The following SDF2 variants were observed in gnomAD, a reference collection of about 807,000 sequenced individuals.
SDF2 encodes stromal cell-derived factor 2.
SDF2 carries 12 observed loss-of-function variants against 20.5 expected under a neutral mutation model. That is an observed-to-expected ratio of 0.58 (90% CI 0.37 to 0.95). SDF2 has a LOEUF of 0.95. Ranked by LOEUF, SDF2 falls within the 40% of genes least tolerant of loss-of-function variation. SDF2 has a pLI of 0.01. For synonymous variants in SDF2, 100 were observed against 101.0 expected, an observed-to-expected ratio of 0.99 and a Z score of 0.06; for missense variants, 238 against 263.1, an observed-to-expected ratio of 0.90 and a Z score of 0.66.
chr17:28,661,609 A>G (rs1597675342), intron 1 of SDF2, 117 bp downstream of exon 1: 4 of 1,106,374 alleles, frequency 3.6e-6, no homozygotes, highest in East Asian at 4.8e-5. Flanking sequence ...GACCTGAGGA[A>G]CCTTCCCAGG....
chr17:28,649,900 CAA>C (rs201795041), intron 2 of SDF2, among the ~76,000 whole-genome samples: 11 of 129,528 alleles, frequency 8.5e-5, no homozygotes, highest in Admixed American at 7.7e-5. Context: ...GACCCCATCT[CAA>C]AAAAAAAAAA....
At chr17:28,653,794 AG>A (rs1313044356) in intron 2 of SDF2, among the ~76,000 whole-genome samples, 48 of 152,304 alleles carry the variant, frequency 3.2e-4, no homozygotes, top group Admixed American at 3.1e-3. Context: ...CCTGGGACAG[AG>A]CGAGACTCTG....
chr17:28,659,330 C>T (rs1347914238), intron 1 of SDF2, among the ~76,000 whole-genome samples: 9 of 134,950 alleles, frequency 6.7e-5, no homozygotes, highest in African/African-American at 1.7e-4. Flanking sequence ...ACAGGGCGGC[C>T]GGGCAGAGGC....
chr17:28,658,987 C>A (rs996943855), intron 1 of SDF2, among the ~76,000 whole-genome samples: 1 of 147,316 alleles, frequency 6.8e-6, no homozygotes, highest in Non-Finnish European at 1.5e-5. Flanking sequence ...GATGGGAGGC[C>A]GGACAGAGGC....
At position 28,649,134 on chromosome 17, in the gene SDF2, TCTC is replaced by T; in HGVS notation, c.488_490del (p.Gly163del). 1 of 1,614,166 alleles carries T rather than the reference TCTC, an allele frequency of 6.2e-7. No individual in the cohort carries two copies. The highest frequency in any genetic ancestry group is 8.5e-7 in the Non-Finnish European group (1 of 1,180,032). ...CCCACTGATAGGTCGACCATATTGT[TCTC>T]CTGTGACAGACAGCAGTACCTCAGT... On this transcript the variant is annotated inframe_deletion, in exon 3 of 3. Transcript: ENST00000247020.
chr17:28,658,779 C>T (rs2071991087), intron 1 of SDF2, among the ~76,000 whole-genome samples: 1 of 152,024 alleles, frequency 6.6e-6, no homozygotes. Flanking sequence ...CTCTTCGGTG[C>T]TGTTGGGTAC....
chr17:28,657,004 A>G (rs559592747), intron 1 of SDF2, among the ~76,000 whole-genome samples: 5 of 152,258 alleles, frequency 3.3e-5, no homozygotes, highest in Admixed American at 1.3e-4. Context: ...TGAGGCAGGC[A>G]GAACACAAAG....
chr17:28,661,656 T>C (rs1345029298), intron 1 of SDF2, 70 bp downstream of exon 1: 4 of 1,526,934 alleles, frequency 2.6e-6, no homozygotes, highest in Non-Finnish European at 3.6e-6. Context: ...TGTCAGATAT[T>C]CTATAGGCCC....
chr17:28,658,354 A>G (rs975821781), intron 1 of SDF2, among the ~76,000 whole-genome samples: 1 of 151,830 alleles, frequency 6.6e-6, no homozygotes, highest in Non-Finnish European at 1.5e-5. Context: ...AGGTCAGCAG[A>G]TAAACATGTG....
chr17:28,655,848 C>G (rs1567677202), intron 1 of SDF2: 1 of 256,906 alleles, frequency 3.9e-6, no homozygotes, highest in East Asian at 8.4e-5. Flanking sequence ...AAACCAGAGA[C>G]ATGGCTAAGC....
In SDF2 at chr17:28,649,224, G is replaced by A. The variant is rs2071891542; in HGVS notation, c.401C>T (p.Thr134Ile). ...EGEGDYLDDW[T>I]VLCNGPYWVR... The stretch of plus-strand genomic sequence containing the variant: ...CCAGTAGGGTCCATTACAGAGCACT[G>A]TCCAGTCATCCAGATAATCACCTTC... Residue 134 changes from threonine to isoleucine, a missense_variant, in exon 3 of 3, where the codon ACA (threonine) becomes ATA (isoleucine). Thr to Ile is a moderately conservative substitution (Grantham distance 89). Coordinates refer to ENST00000247020, the MANE Select transcript of SDF2 (RefSeq NM_006923.4). 1 of 1,614,184 alleles carries A rather than the reference G, an allele frequency of 6.2e-7. No homozygotes were observed. The highest frequency in any genetic ancestry group is 2.2e-5 in the East Asian group (1 of 44,892).
At chr17:28,651,384 T>C (rs1162800041) in intron 2 of SDF2, 1 of 152,216 alleles carries the variant, frequency 6.6e-6, no homozygotes, top group Non-Finnish European at 1.5e-5. Flanking sequence ...TTTATATCTC[T>C]TGTTATTTGA....
chr17:28,661,320 C>G, intron 1 of SDF2: 1 of 352,168 alleles, frequency 2.8e-6, no homozygotes, highest in Non-Finnish European at 5.6e-6. Flanking sequence ...ACAGCACTTA[C>G]TGTAATTTTC....
intron 1 of SDF2, 93 bp downstream of exon 1, chr17:28,661,633 T>C (rs2072045777): frequency 7.0e-7 from 1 of 1,418,662 alleles, no homozygotes; most frequent in Non-Finnish European, 9.6e-7. Flanking sequence ...CCCCTAACTT[T>C]CCCAGACCAC....
At chr17:28,660,103 G>A (rs933961150) in intron 1 of SDF2, among the ~76,000 whole-genome samples, 1 of 152,228 alleles carries the variant, frequency 6.6e-6, no homozygotes, top group East Asian at 1.9e-4. Flanking sequence ...GTCAGGCATG[G>A]CGGCGTGTGC....
At chr17:28,652,705 C>G (rs1468374193) in intron 2 of SDF2, among the ~76,000 whole-genome samples, 1 of 152,162 alleles carries the variant, frequency 6.6e-6, no homozygotes, top group Non-Finnish European at 1.5e-5. Flanking sequence ...ATATCATTCT[C>G]CAATAAAAGG....
chr17:28,661,737 C>CT lies in SDF2; in HGVS notation c.139_140insA (p.Arg47GlnfsTer6). 1 of 1,613,734 alleles carries CT rather than the reference C, an allele frequency of 6.2e-7. No homozygotes were observed. The highest frequency in any genetic ancestry group is 8.5e-7 in the Non-Finnish European group (1 of 1,179,752). ...GTCCCCAGCATTACCTGACCCATAG[C>CT]GCACGTCGTGTGAGTGCAGTCGGAC... On this transcript the variant is annotated frameshift_variant, in exon 1 of 3. Transcript: ENST00000247020. LOFTEE classifies it high-confidence loss of function.
intron 2 of SDF2, among the ~76,000 whole-genome samples, chr17:28,650,890 T>A (rs111525387): frequency 1.9e-4 from 28 of 150,594 alleles, no homozygotes; most frequent in Admixed American, 4.6e-4. Flanking sequence ...AGTGGTCTTA[T>A]GGCCTCACCT....
chr17:28,660,176 T>C (rs1046479067), intron 1 of SDF2, among the ~76,000 whole-genome samples: 5 of 151,444 alleles, frequency 3.3e-5, no homozygotes, highest in South Asian at 2.1e-4. Context: ...GGCAGGGAGG[T>C]TGCAGCGAGC....
Sources: allele counts gnomAD v4.1 joint callset (sites outside exome capture counted in the v4.1 genomes callset), GRCh38; gene constraint gnomAD v4.1.1; transcripts MANE v1.5; gene names NCBI Gene and HGNC (gene_info 2026-07-23, HGNC 2026-07-21).